PCDHGA4: variants seen among roughly 807,000 people sequenced by gnomAD.
PCDHGA4 encodes protocadherin gamma subfamily A, 4.
PCDHGA4 carries 38 observed loss-of-function variants against 54.6 expected under a neutral mutation model. The observed-to-expected ratio is 0.70, with a 90% CI of 0.54 to 0.91. The LOEUF is 0.91. PCDHGA4 is among the 40% of genes least tolerant of loss of function. The pLI is 0.00. For missense variants in PCDHGA4, 1,298 were observed against 1,220.9 expected (o/e 1.06, Z -0.94); for synonymous variants, 511 against 512.9 (o/e 1.00, Z 0.05).
intron 1 of PCDHGA4, chr5:141,387,709 A>G: frequency 2.0e-6 from 2 of 1,008,632 alleles, no homozygotes; most frequent in Non-Finnish European, 2.9e-6. Context: ...GGGCAGCCCC[A>G]GCTCAGACTC....
chr5:141,356,800 G>C lies in PCDHGA4; in HGVS notation c.1693G>C (p.Ala565Pro). 2 of 1,614,046 alleles carry C rather than the reference G, an allele frequency of 1.2e-6. No individual in the cohort carries two copies. Among genetic ancestry groups the C allele is most frequent in the Non-Finnish European group, 1.7e-6 (2 of 1,179,914 alleles). ...QFRDLQLLMT[A>P]SDSGDPPLSS... The stretch of plus-strand genomic sequence containing the variant: ...TAGAGACCTGCAGCTGCTGATGACA[G>C]CCAGTGACAGTGGAGACCCTCCACT... The change falls in exon 1 of 4, where the codon GCC becomes CCC. Residue 565 changes from alanine (A) to proline (P), a missense_variant. Ala to Pro is a conservative substitution (Grantham distance 27). Transcript: ENST00000571252.
chr5:141,454,228 T>C (rs6896225), intron 1 of PCDHGA4, among the ~76,000 whole-genome samples: 1,935 of 152,208 alleles, frequency 0.013, 54 homozygotes, highest in African/African-American at 0.044. Flanking sequence ...AAAGTAATTG[T>C]GATGAAAAGG....
chr5:141,460,377 T>C (rs1592666836), intron 1 of PCDHGA4, among the ~76,000 whole-genome samples: 1 of 152,342 alleles, frequency 6.6e-6, no homozygotes, highest in Non-Finnish European at 1.5e-5. Flanking sequence ...AGTTTTACCA[T>C]TTATAATTTG....
intron 1 of PCDHGA4, chr5:141,415,759 T>TTTG: frequency 3.7e-6 from 5 of 1,352,140 alleles, no homozygotes; most frequent in Non-Finnish European, 4.8e-6. Flanking sequence ...TTTTTTTTTT[T>TTTG]TTTTTTTTTT....
At chr5:141,408,557 G>A in intron 1 of PCDHGA4, 6 of 1,614,046 alleles carry the variant, frequency 3.7e-6, no homozygotes, top group Non-Finnish European at 5.1e-6. Flanking sequence ...TATTTTTCAT[G>A]TCATTGTGGT....
At chr5:141,433,607 G>T (rs1209706866) in intron 1 of PCDHGA4, among the ~76,000 whole-genome samples, 1 of 152,080 alleles carries the variant, frequency 6.6e-6, no homozygotes. Flanking sequence ...AGGCCGAGGC[G>T]GGTGGATCAC....
chr5:141,400,236 G>C (rs1195592972), intron 1 of PCDHGA4: 6 of 1,613,868 alleles, frequency 3.7e-6, no homozygotes, highest in African/African-American at 1.3e-5. Flanking sequence ...TCCTGGCCGT[G>C]ATTCTGGCCG....
chr5:141,357,269 C>G lies in PCDHGA4; in HGVS notation c.2162C>G (p.Thr721Arg). The G allele has an allele frequency of 1.2e-6, 2 of 1,613,812 alleles. No individual in the cohort carries two copies. Among genetic ancestry groups the G allele is most frequent in the East Asian group, 4.5e-5 (2 of 44,870 alleles). Residue 721 changes from threonine to arginine, a missense_variant, in exon 1 of 4, where the codon ACA (threonine) becomes AGA (arginine). Thr to Arg is a moderately conservative substitution (Grantham distance 71). Coordinates refer to ENST00000571252, the MANE Select transcript of PCDHGA4 (RefSeq NM_018917.4). ...GCAGACCCAGACGACTCGGGCCTCA[C>G]ACTCTATCTCGTGGTGGCAGTGGCC... ...PSADPDDSGL[T>R]LYLVVAVAAV... is the part of the protein sequence containing the mutation.
At chr5:141,420,412 T>A in intron 1 of PCDHGA4, 1 of 1,225,004 alleles carries the variant, frequency 8.2e-7, no homozygotes, top group Non-Finnish European at 1.1e-6. Flanking sequence ...TGGTTATCAT[T>A]ATTAAAACAA....
At chr5:141,482,338 T>C (rs2099556539) in intron 1 of PCDHGA4, among the ~76,000 whole-genome samples, 1 of 152,156 alleles carries the variant, frequency 6.6e-6, no homozygotes, top group African/African-American at 2.4e-5. Context: ...ATATCTACTT[T>C]GCAAACTTGT....
At chr5:141,376,276 C>T (rs3749771) in intron 1 of PCDHGA4, 1 of 1,614,240 alleles carries the variant, frequency 6.2e-7, no homozygotes, top group Non-Finnish European at 8.5e-7. Context: ...CGGGAGGTGG[C>T]TTAGCGAGCA....
chr5:141,371,310 G>A, intron 1 of PCDHGA4: 2 of 1,613,992 alleles, frequency 1.2e-6, no homozygotes, highest in Non-Finnish European at 1.7e-6. Flanking sequence ...CACTATTGGA[G>A]AACTGGACTT....
intron 1 of PCDHGA4, chr5:141,371,624 G>A (rs1429175978): frequency 6.2e-7 from 1 of 1,613,994 alleles, no homozygotes. Context: ...ATGGAGCCCT[G>A]GACCGGGAGC....
chr5:141,430,889 A>G, intron 1 of PCDHGA4: 1 of 1,605,270 alleles, frequency 6.2e-7, no homozygotes, highest in African/African-American at 1.3e-5. Flanking sequence ...GAAAGGCTCT[A>G]GGGTGGGCGA....
In PCDHGA4 at chr5:141,486,036, G is replaced by A. The variant is rs773301300; in HGVS notation, c.2515-8771G>A. ...TATTTCAGTGGTCATACCCCTGATC[G>A]TGTAAGAAACCTCTTTAGCCTGCAC... On this transcript the variant is annotated intron_variant, in intron 1 of 3. Transcript: ENST00000571252. This position sits in a 1 kb window ranked among gnomAD's most constrained non-coding sequence, Gnocchi z 5.0. 2.5e-6 allele frequency: 4 copies of A among 1,614,048 alleles called. No individual in the cohort carries two copies. Among genetic ancestry groups the A allele is most frequent in the Admixed American group, 1.7e-5 (1 of 60,004 alleles).
chr5:141,393,300 G>T (rs1357517904), intron 1 of PCDHGA4: 2 of 1,613,882 alleles, frequency 1.2e-6, no homozygotes, highest in Non-Finnish European at 1.7e-6. Context: ...CCCGGATGTG[G>T]GCGTGAACTC....
intron 1 of PCDHGA4, chr5:141,414,399 GGTGATAC>G (rs1297009673): frequency 6.2e-7 from 1 of 1,613,846 alleles, no homozygotes; most frequent in South Asian, 1.1e-5. Flanking sequence ...ATTACAGATT[GGTGATAC>G]ACAGAGCCCT....
At position 141,428,093 on chromosome 5, in the gene PCDHGA4, C is replaced by T. The variant is rs577985465; in HGVS notation, c.2515-66714C>T. On this transcript the variant is annotated intron_variant, in intron 1 of 3. Transcript: ENST00000571252. ...ATTCGGGACACAACGCTTGGCTGTC[C>T]TACCACGTGCTGCAGGCCATCGAGC... 2.4e-4 allele frequency: 380 copies of T among 1,608,880 alleles called. 2 individuals are homozygous for T. The South Asian group carries it at 4.0e-3, about 17-fold the overall frequency.
intron 1 of PCDHGA4, among the ~76,000 whole-genome samples, chr5:141,474,062 C>G (rs745636246): frequency 6.6e-6 from 1 of 152,104 alleles, no homozygotes; most frequent in Non-Finnish European, 1.5e-5. Flanking sequence ...AGAGCGAGAT[C>G]CTGCCTCAGA....
Sources: allele counts gnomAD v4.1 joint callset (sites outside exome capture counted in the v4.1 genomes callset), GRCh38; gene constraint gnomAD v4.1.1; non-coding constraint Gnocchi (gnomAD v3.1); transcripts MANE v1.5; gene names NCBI Gene and HGNC (gene_info 2026-07-23, HGNC 2026-07-21).